Variants in LOC128462377 observed in about 807,000 individuals in gnomAD.
the LOC128462377 span, chr16:89,343,894 C>G: frequency 1.3e-5 from 2 of 152,256 alleles, no homozygotes; most frequent in African/African-American, 4.8e-5. Flanking sequence ...GTAGGGAAAA[C>G]GAAGGCACGT....
At chr16:89,399,693 A>C in the LOC128462377 span, among the ~76,000 whole-genome samples, 1 of 152,198 alleles carries the variant, frequency 6.6e-6, no homozygotes, top group South Asian at 2.1e-4. Flanking sequence ...GGCGGTCGCG[A>C]CTATAACAAA....
At chr16:89,359,534 C>T in the LOC128462377 span, among the ~76,000 whole-genome samples, 44 of 152,206 alleles carry the variant, frequency 2.9e-4, no homozygotes, top group Non-Finnish European at 5.7e-4. Context: ...CTCCTTGTTC[C>T]GGCCCTGCAG....
At chr16:89,375,496 G>C in the LOC128462377 span, among the ~76,000 whole-genome samples, 1 of 151,448 alleles carries the variant, frequency 6.6e-6, no homozygotes, top group Admixed American at 6.6e-5. Flanking sequence ...TTTCACTCTT[G>C]TCGCCCGGGC....
the LOC128462377 span, chr16:89,320,153 C>G: frequency 6.6e-6 from 1 of 152,340 alleles, no homozygotes; most frequent in Non-Finnish European, 1.5e-5. Flanking sequence ...CCTGGCAGGG[C>G]TGTCACATAA....
chr16:89,345,264 C>T, the LOC128462377 span, among the ~76,000 whole-genome samples: 2 of 149,100 alleles, frequency 1.3e-5, no homozygotes, highest in African/African-American at 2.5e-5. Context: ...CCCCACCCCC[C>T]GGCAAAAGGA....
At chr16:89,336,437 T>C in the LOC128462377 span, among the ~76,000 whole-genome samples, 1 of 152,168 alleles carries the variant, frequency 6.6e-6, no homozygotes, top group Non-Finnish European at 1.5e-5. Flanking sequence ...GCTTCTGTGG[T>C]GCTAGGGACC....
chr16:89,362,752 C>A, the LOC128462377 span, among the ~76,000 whole-genome samples: 3 of 152,200 alleles, frequency 2.0e-5, no homozygotes, highest in Non-Finnish European at 4.4e-5. Flanking sequence ...TTATACTGGT[C>A]GAAGCAAGCA....
chr16:89,319,654 G>A, the LOC128462377 span, among the ~76,000 whole-genome samples: 1 of 152,210 alleles, frequency 6.6e-6, no homozygotes, highest in Non-Finnish European at 1.5e-5. Flanking sequence ...CCTCATCACA[G>A]TCATGGAGAT....
At chr16:89,375,768 TAAA>T in the LOC128462377 span, among the ~76,000 whole-genome samples, 90 of 84,524 alleles carry the variant, frequency 1.1e-3, no homozygotes, top group African/African-American at 2.3e-3. Context: ...CTCCGTCTCT[TAAA>T]AAAAAAAAAA....
At chr16:89,357,197 G>C in the LOC128462377 span, among the ~76,000 whole-genome samples, 1 of 152,220 alleles carries the variant, frequency 6.6e-6, no homozygotes, top group African/African-American at 2.4e-5. Flanking sequence ...TCGAAGATGA[G>C]TGGGGTTGGG....
the LOC128462377 span, among the ~76,000 whole-genome samples, chr16:89,317,500 G>A: frequency 1.2e-4 from 18 of 152,276 alleles, no homozygotes; most frequent in African/African-American, 4.3e-4. Context: ...CCAGCCCTCA[G>A]GTCTGGCAGG....
the LOC128462377 span, among the ~76,000 whole-genome samples, chr16:89,390,701 C>CA: frequency 6.6e-6 from 1 of 152,110 alleles, no homozygotes; most frequent in Non-Finnish European, 1.5e-5. Flanking sequence ...AGTGAGCACA[C>CA]AGCCAGGGGC....
At chr16:89,410,064 C>T in the LOC128462377 span, among the ~76,000 whole-genome samples, 1 of 152,182 alleles carries the variant, frequency 6.6e-6, no homozygotes, top group Non-Finnish European at 1.5e-5. Flanking sequence ...TGGTCTCGAT[C>T]TCCTGACCTC....
chr16:89,407,550 A>G, the LOC128462377 span, among the ~76,000 whole-genome samples: 2 of 152,062 alleles, frequency 1.3e-5, no homozygotes, highest in Non-Finnish European at 2.9e-5. Context: ...GCCGCGCAAC[A>G]TGGCTCACAC....
the LOC128462377 span, chr16:89,317,052 G>C: frequency 6.3e-7 from 1 of 1,599,420 alleles, no homozygotes; most frequent in Middle Eastern, 1.7e-4. Flanking sequence ...TCATTTACAC[G>C]GCCGGCGCTT....
chr16:89,371,724 A>G, the LOC128462377 span, among the ~76,000 whole-genome samples: 545 of 152,050 alleles, frequency 3.6e-3, 3 homozygotes, highest in African/African-American at 0.012. Flanking sequence ...TCGGGTGTGG[A>G]GGGCGATGCG....
At chr16:89,336,055 T>C in the LOC128462377 span, among the ~76,000 whole-genome samples, 2 of 152,250 alleles carry the variant, frequency 1.3e-5, no homozygotes, top group Admixed American at 1.3e-4. Flanking sequence ...CCTTAGATAC[T>C]ATTCCTGCCA....
the LOC128462377 span, among the ~76,000 whole-genome samples, chr16:89,333,885 G>T: frequency 6.6e-6 from 1 of 152,230 alleles, no homozygotes; most frequent in Admixed American, 6.5e-5. Flanking sequence ...CCAGTATGTG[G>T]GCGTGTGTTG....
the LOC128462377 span, among the ~76,000 whole-genome samples, chr16:89,334,415 C>G: frequency 6.6e-6 from 1 of 152,124 alleles, no homozygotes; most frequent in Admixed American, 6.5e-5. Context: ...CTTCTTACCC[C>G]TCCAAGCCTG....
Sources: allele counts gnomAD v4.1 joint callset (sites outside exome capture counted in the v4.1 genomes callset), GRCh38; gene constraint gnomAD v4.1.1; transcripts MANE v1.5.